The following LSAMP variants were observed in gnomAD, a reference collection of about 807,000 sequenced individuals.
LSAMP encodes limbic system associated membrane protein, also known as limbic system-associated membrane protein.
In LSAMP, 7 loss-of-function variants were observed where a neutral mutation model predicts 38.6. That is an observed-to-expected ratio of 0.18 (90% CI 0.10 to 0.34). LSAMP has a LOEUF of 0.34. Ranked by LOEUF, LSAMP falls within the 10% of genes least tolerant of loss-of-function variation. LSAMP has a pLI of 1.00. For synonymous variants in LSAMP, 154 were observed against 166.8 expected, an observed-to-expected ratio of 0.92 and a Z score of 0.59; for missense variants, 313 against 420.0, an observed-to-expected ratio of 0.75 and a Z score of 2.23.
chr3:115,876,816 G>C (rs1195070150), intron 3 of LSAMP, among the ~76,000 whole-genome samples: 3 of 151,978 alleles, frequency 2.0e-5, no homozygotes, highest in Non-Finnish European at 4.4e-5. Context: ...ATTCTAAAAT[G>C]CCATCTAAGT....
intron 3 of LSAMP, among the ~76,000 whole-genome samples, chr3:115,978,999 TG>T (rs1939273086): frequency 6.6e-6 from 1 of 152,052 alleles, no homozygotes; most frequent in South Asian, 2.1e-4. Context: ...TGGGAAACAT[TG>T]TAAAACAGAA....
At chr3:116,087,258 T>C (rs573438316) in intron 1 of LSAMP, among the ~76,000 whole-genome samples, 115 of 152,312 alleles carry the variant, frequency 7.6e-4, no homozygotes, top group African/African-American at 2.7e-3. Context: ...TTAACAAAGA[T>C]GAAGAAGCCA....
intron 1 of LSAMP, among the ~76,000 whole-genome samples, chr3:116,198,919 A>C (rs2045951277): frequency 1.3e-5 from 2 of 151,954 alleles, no homozygotes; most frequent in African/African-American, 2.4e-5. Context: ...CTCTGCAAAT[A>C]GTTGTTTTTA....
At chr3:116,164,761 T>TATTTA (rs754064532) in intron 1 of LSAMP, among the ~76,000 whole-genome samples, 1 of 41,130 alleles carries the variant, frequency 2.4e-5, no homozygotes, top group Non-Finnish European at 5.0e-5. Context: ...TATATATATA[T>TATTTA]TTTTTTTTTT....
intron 6 of LSAMP, among the ~76,000 whole-genome samples, chr3:115,818,018 A>G (rs1934085736): frequency 1.3e-5 from 2 of 152,350 alleles, no homozygotes; most frequent in South Asian, 4.1e-4. Flanking sequence ...TCATGAAAAC[A>G]TGAGGAAACT....
At chr3:116,033,881 G>C (rs1458622192) in intron 2 of LSAMP, among the ~76,000 whole-genome samples, 1 of 152,084 alleles carries the variant, frequency 6.6e-6, no homozygotes, top group Non-Finnish European at 1.5e-5. Flanking sequence ...CGTCCACAAG[G>C]GAAGAAAGGA....
At chr3:116,383,575 C>A (rs1453580053) in intron 1 of LSAMP, among the ~76,000 whole-genome samples, 2 of 151,874 alleles carry the variant, frequency 1.3e-5, no homozygotes, top group African/African-American at 4.8e-5. Flanking sequence ...GTATCCTCGT[C>A]ATTACTTTTT....
intron 3 of LSAMP, among the ~76,000 whole-genome samples, chr3:115,876,397 A>G (rs1264166078): frequency 6.6e-6 from 1 of 151,580 alleles, no homozygotes. Context: ...CCAGTAATGC[A>G]TTCAGACTCA....
At chr3:116,249,148 C>CAAAA (rs56255627) in intron 1 of LSAMP, among the ~76,000 whole-genome samples, 4 of 126,260 alleles carry the variant, frequency 3.2e-5, no homozygotes, top group Non-Finnish European at 6.5e-5. Context: ...GACTCTGTCT[C>CAAAA]AAAAAAAAAA....
Position 115,969,306 on chromosome 3 carries a change from C to T in LSAMP, c.514+50209G>A, listed in dbSNP as rs142354306. ...ATGTTTAAGTATTCTTTTGAATGTA[C>T]GAATAATTTTACAATAATAGTTGGA... On this transcript the variant is annotated intron_variant, in intron 3 of 6. Transcript: ENST00000490035. Among the ~76,000 whole-genome samples, 21 of 152,168 alleles carry T rather than the reference C, an allele frequency of 1.4e-4. No homozygotes were observed. The East Asian group carries it at 1.9e-3, about 14-fold the overall frequency.
rs2046409036 is a variant in LSAMP at position 116,232,166 on chromosome 3, A to T, written c.156-145610T>A. ...TCAATAGCTCTCTGCATGGGTTTTA[A>T]TGGTAGTACAAGAAGAGAGGCTGGA... On this transcript the variant is annotated intron_variant, in intron 1 of 6. Transcript: ENST00000490035. Among the ~76,000 whole-genome samples, 3 of 152,204 alleles carry T rather than the reference A, an allele frequency of 2.0e-5. No homozygotes were observed. The South Asian group carries it at 6.2e-4, about 31-fold the overall frequency.
chr3:116,052,492 T>G (rs934826145), intron 2 of LSAMP, among the ~76,000 whole-genome samples: 26 of 152,168 alleles, frequency 1.7e-4, no homozygotes, highest in Admixed American at 1.7e-3. Flanking sequence ...TTAATATAAA[T>G]GTACTATAAG....
intron 1 of LSAMP, among the ~76,000 whole-genome samples, chr3:116,352,614 C>T (rs1003792280): frequency 1.8e-4 from 28 of 152,048 alleles, no homozygotes; most frequent in African/African-American, 6.3e-4. Flanking sequence ...GTTCTTTTAC[C>T]TAGTCTCTCC....
intron 2 of LSAMP, among the ~76,000 whole-genome samples, chr3:116,038,414 A>C (rs1423074231): frequency 2.0e-5 from 3 of 152,164 alleles, no homozygotes; most frequent in African/African-American, 7.2e-5. Context: ...TGTATCAGTG[A>C]AGGCCAGAGA....
intron 1 of LSAMP, among the ~76,000 whole-genome samples, chr3:116,196,451 G>A (rs1710884271): frequency 6.6e-6 from 1 of 152,038 alleles, no homozygotes; most frequent in East Asian, 1.9e-4. Flanking sequence ...ATTGACCAGT[G>A]GGTAGAAACA....
At chr3:116,089,034 G>C (rs73858515) in intron 1 of LSAMP, among the ~76,000 whole-genome samples, 2,912 of 152,256 alleles carry the variant, frequency 0.019, 96 homozygotes, top group African/African-American at 0.066. Flanking sequence ...ATAAGGTAAA[G>C]TTTATAAGTC....
chr3:115,885,653 G>C (rs67847187), intron 3 of LSAMP, among the ~76,000 whole-genome samples: 41,257 of 146,436 alleles, frequency 0.28, 6,446 homozygotes, highest in African/African-American at 0.39. Context: ...GGGGGGACAA[G>C]TATCTGCTGC....
At chr3:116,007,923 A>G (rs1193382814) in intron 3 of LSAMP, among the ~76,000 whole-genome samples, 1 of 152,184 alleles carries the variant, frequency 6.6e-6, no homozygotes, top group Non-Finnish European at 1.5e-5. Context: ...GTGGAGTCTG[A>G]TAACTTGCAT....
chr3:116,207,367 G>GTCTGTGTC (rs1045971738), intron 1 of LSAMP, among the ~76,000 whole-genome samples: 1 of 152,006 alleles, frequency 6.6e-6, no homozygotes, highest in African/African-American at 2.4e-5. Context: ...CAATTTGCCA[G>GTCTGTGTC]TCTGTGTCTT....
Sources: allele counts gnomAD v4.1 joint callset (sites outside exome capture counted in the v4.1 genomes callset), GRCh38; gene constraint gnomAD v4.1.1; transcripts MANE v1.5; gene names NCBI Gene and HGNC (gene_info 2026-07-23, HGNC 2026-07-21).